SMAP1: variants seen among roughly 807,000 people sequenced by gnomAD.
The protein encoded by SMAP1 is stromal membrane-associated protein 1.
Under a neutral mutation model 58.5 loss-of-function variants are expected in SMAP1, and 24 were observed. The ratio of observed to expected loss-of-function variants is 0.41; its 90% CI spans 0.30 to 0.58. The LOEUF is 0.58. Ranked by LOEUF, SMAP1 falls within the 20% of genes least tolerant of loss-of-function variation. SMAP1 has a pLI of 0.29. For synonymous variants in SMAP1, 216 were observed against 196.6 expected (o/e 1.10, Z -0.82); for missense variants, 563 against 566.3 (o/e 0.99, Z 0.06).
rs533063351 is a variant in SMAP1 at position 70,708,705 on chromosome 6, C to G, written c.119-23673C>G. On this transcript the variant is annotated intron_variant, in intron 1 of 10. Coordinates refer to ENST00000370455, the MANE Select transcript of SMAP1 (RefSeq NM_001044305.3). ...CACAGTGGTTTCGATTTGCATTTAT[C>G]TGATGACTAATGATGTTGAGTACTT... Among the ~76,000 whole-genome samples, 7 of 152,220 alleles carry G rather than the reference C, an allele frequency of 4.6e-5. No homozygotes were observed. In the South Asian group the frequency reaches 6.2e-4, roughly 14 times the overall value.
rs549994538 is a variant in SMAP1, at chr6:70,859,559, C to G, written c.1270-641C>G. On this transcript the variant is annotated intron_variant, in intron 10 of 10. Transcript: ENST00000370455. ...CTAACTCTGAGTGTAAGTTTTAAAC[C>G]CACTCACTATATGGTAAATCTTGCC... The G allele has an allele frequency of 4.9e-4, 260 of 533,308 alleles. 6 individuals are homozygous for G. In the South Asian group the frequency reaches 5.6e-3, roughly 11 times the overall value. 33.0% of individuals were successfully genotyped at this position (533,308 alleles called of 1,614,324 possible). A position where few individuals can be genotyped will look rare whatever the true frequency, so the allele number is the denominator to read the frequency against.
chr6:70,764,391 C>T (rs772616456), intron 3 of SMAP1, among the ~76,000 whole-genome samples: 2 of 152,238 alleles, frequency 1.3e-5, no homozygotes, highest in Non-Finnish European at 2.9e-5. Flanking sequence ...GACGTTCATA[C>T]TGGAGAAGTG....
At position 70,805,858 on chromosome 6, in the gene SMAP1, C is replaced by T. The variant is rs562393733; in HGVS notation, c.576+7121C>T. Among the ~76,000 whole-genome samples, 4 of 152,228 alleles carry T rather than the reference C, an allele frequency of 2.6e-5. No individual in the cohort carries two copies. In the East Asian group the frequency reaches 7.7e-4, roughly 29 times the overall value. On this transcript the variant is annotated intron_variant, in intron 6 of 10. Transcript: ENST00000370455. The stretch of plus-strand genomic sequence containing the variant: ...GGCTGCAGAACAGCAAATATTGCTG[C>T]CTGATCTTTCCTCTGGAAGCTTCGT...
chr6:70,852,631 T>C lies in SMAP1; in HGVS notation c.756T>C (p.Asn252=). ...DLDIFGPMIS[N]PLPATVMPPA... ...ACATCTTTGGACCGATGATTTCTAA[T>C]CCCTTACCTGCAACTGTCATGCCCC... Residue 252 remains asparagine (N), a synonymous_variant, in exon 8 of 11, where the codon AAT becomes AAC. Coordinates refer to ENST00000370455, the MANE Select transcript of SMAP1 (RefSeq NM_001044305.3). 6.2e-7 allele frequency: 1 copy of C among 1,609,252 alleles called. No individual in the cohort carries two copies.
At chr6:70,820,891 G>A (rs189671502) in intron 6 of SMAP1, among the ~76,000 whole-genome samples, 1 of 152,080 alleles carries the variant, frequency 6.6e-6, no homozygotes, top group Admixed American at 6.5e-5. Context: ...TTATTTTTAA[G>A]TAGGCCAAAC....
chr6:70,814,793 A>G (rs1368518182), intron 6 of SMAP1, among the ~76,000 whole-genome samples: 1 of 152,186 alleles, frequency 6.6e-6, no homozygotes, highest in Non-Finnish European at 1.5e-5. Context: ...TGTTCTTGAG[A>G]TTGGTGGTAG....
intron 1 of SMAP1, among the ~76,000 whole-genome samples, chr6:70,696,317 T>A (rs1228675239): frequency 6.6e-6 from 1 of 152,180 alleles, no homozygotes; most frequent in African/African-American, 2.4e-5. Context: ...GCTTTGCTAG[T>A]GTTTAAAGCT....
intron 1 of SMAP1, among the ~76,000 whole-genome samples, chr6:70,702,167 T>G (rs1387966753): frequency 6.6e-6 from 1 of 152,186 alleles, no homozygotes; most frequent in South Asian, 2.1e-4. Context: ...TTTAATCAGT[T>G]TGATTATGAA....
At chr6:70,801,191 C>T (rs1298738630) in intron 6 of SMAP1, among the ~76,000 whole-genome samples, 2 of 152,098 alleles carry the variant, frequency 1.3e-5, no homozygotes, top group Non-Finnish European at 2.9e-5. Flanking sequence ...TGCTTCCTGA[C>T]TTTTTTAATG....
chr6:70,746,730 T>C (rs545336825), intron 2 of SMAP1, among the ~76,000 whole-genome samples: 1 of 152,330 alleles, frequency 6.6e-6, no homozygotes, highest in Non-Finnish European at 1.5e-5. Context: ...TTGATTGGAA[T>C]AGTTTCAGAA....
intron 1 of SMAP1, among the ~76,000 whole-genome samples, chr6:70,729,459 TTGTGTGTGTGTG>T (rs35058846): frequency 2.3e-4 from 30 of 128,164 alleles, no homozygotes; most frequent in African/African-American, 3.2e-4. Flanking sequence ...AAAAAGAAGG[TTGTGTGTGTGTG>T]TGTGTGTGTG....
chr6:70,846,021 T>C (rs2037300995), intron 7 of SMAP1, among the ~76,000 whole-genome samples: 1 of 152,084 alleles, frequency 6.6e-6, no homozygotes, highest in Non-Finnish European at 1.5e-5. Context: ...TCCAGGATAT[T>C]GGTAGCAATG....
At chr6:70,712,200 G>A (rs1268152793) in intron 1 of SMAP1, among the ~76,000 whole-genome samples, 2 of 152,190 alleles carry the variant, frequency 1.3e-5, no homozygotes, top group Non-Finnish European at 2.9e-5. Context: ...CATGTGGCTT[G>A]TATCATTCAT....
chr6:70,668,031 C>A lies in SMAP1; in HGVS notation c.8C>A (p.Thr3Lys), dbSNP rs141228749. The A allele has an allele frequency of 2.5e-6, 4 of 1,595,932 alleles. No homozygotes were observed. Among genetic ancestry groups the A allele is most frequent in the African/African-American group, 2.7e-5 (2 of 72,770 alleles). Residue 3 changes from threonine to lysine, a missense_variant, in exon 1 of 11, where the codon ACG becomes AAG. By Grantham distance (78) the Thr-to-Lys change is moderately conservative (BLOSUM62 -1). Transcript: ENST00000370455. ...CCCCGCCCCGCTGCCGAGATGGCGA[C>A]GCGCTCCTGTCGGGAGAAGGCTCAG... Reference protein sequence around the residue: MATRSCREKAQKL... With the variant: MAKRSCREKAQKL...
rs569226325 is a variant in SMAP1, at chr6:70,816,948, A to G, written c.576+18211A>G. On this transcript the variant is annotated intron_variant, in intron 6 of 10. Coordinates refer to ENST00000370455, the MANE Select transcript of SMAP1 (RefSeq NM_001044305.3). ...AAAAGGGATAATATATAAAATGAAC[A>G]CAAAAGAAGCAAATGTCTATTTCGG... Among the ~76,000 whole-genome samples, 3 of 152,156 alleles carry G rather than the reference A, an allele frequency of 2.0e-5. No individual in the cohort carries two copies. In the East Asian group the frequency reaches 5.8e-4, roughly 29 times the overall value.
intron 2 of SMAP1, among the ~76,000 whole-genome samples, chr6:70,752,179 G>A (rs1766306697): frequency 6.6e-6 from 1 of 152,210 alleles, no homozygotes; most frequent in African/African-American, 2.4e-5. Flanking sequence ...TGTCACTAAT[G>A]CATTATATTA....
At chr6:70,792,326 A>ATTTTTTTTTTTTTTTTTTTTTTTTTTT (rs70990333) in intron 5 of SMAP1, among the ~76,000 whole-genome samples, 1 of 140,174 alleles carries the variant, frequency 7.1e-6, no homozygotes, top group African/African-American at 2.6e-5. Context: ...CTCTTTACCT[A>ATTTTTTTTTTTTTTTTTTTTTTTTTTT]TTTTTTTTTT....
chr6:70,690,360 G>A (rs962387604), intron 1 of SMAP1, among the ~76,000 whole-genome samples: 8 of 152,012 alleles, frequency 5.3e-5, no homozygotes, highest in African/African-American at 1.9e-4. Flanking sequence ...AGGCTGGAGT[G>A]CAGTGGTGCG....
chr6:70,786,650 T>C (rs1056042241), intron 4 of SMAP1, among the ~76,000 whole-genome samples: 5 of 152,122 alleles, frequency 3.3e-5, no homozygotes, highest in Non-Finnish European at 5.9e-5. Context: ...AGCATTCTTA[T>C]ACATCAATAA....
Sources: gnomAD v4.1 joint callset for allele counts (sites outside exome capture counted in the v4.1 genomes callset) on GRCh38, gnomAD v4.1.1 for gene constraint, MANE v1.5 for transcripts, NCBI Gene and HGNC (gene_info 2026-07-23, HGNC 2026-07-21) for gene names.